Variants in DPF3 observed in about 807,000 individuals in gnomAD.
DPF3 encodes double PHD fingers 3, also known as zinc finger protein DPF3.
Under a neutral mutation model 56.8 loss-of-function variants are expected in DPF3, and 18 were observed. That is an observed-to-expected ratio of 0.32 (90% confidence interval 0.22 to 0.47). DPF3 has a LOEUF of 0.47. DPF3 is among the 20% of genes least tolerant of loss of function. DPF3 has a pLI of 1.00. For synonymous variants in DPF3, 188 were observed against 180.2 expected, an observed-to-expected ratio of 1.04 and a Z score of -0.35; for missense variants, 403 against 488.8, an observed-to-expected ratio of 0.82 and a Z score of 1.65.
At chr14:72,803,118 A>T (rs1892952936) in intron 1 of DPF3, among the ~76,000 whole-genome samples, 1 of 152,230 alleles carries the variant, frequency 6.6e-6, no homozygotes, top group Admixed American at 6.5e-5. Flanking sequence ...AGGCAGCACA[A>T]CTGAAGCAGG....
At chr14:72,803,680 A>G (rs1286734653) in intron 1 of DPF3, among the ~76,000 whole-genome samples, 1 of 152,182 alleles carries the variant, frequency 6.6e-6, no homozygotes, top group African/African-American at 2.4e-5. Context: ...CCTCATCTCT[A>G]TGGACTAGTC....
intron 3 of DPF3, among the ~76,000 whole-genome samples, chr14:72,736,400 T>TTG (rs573085156): frequency 2.6e-4 from 39 of 152,306 alleles, no homozygotes; most frequent in African/African-American, 8.4e-4. Context: ...AAAAATAACA[T>TTG]TAACTATGAC....
rs1041318455 is a variant in DPF3, at chr14:72,613,375, T to C, written c.*5922A>G. Among the ~76,000 whole-genome samples the C allele has an allele frequency of 6.6e-6, 1 of 152,188 alleles. No homozygotes were observed. Among genetic ancestry groups the C allele is most frequent in the African/African-American group, 2.4e-5 (1 of 41,434 alleles). Reference sequence around the variant, plus strand: ...GTCATGATAAGTAATTATATCTCTGTCCAAGAGGGTTCTGGCTGCCTGCCA... The same window carrying C: ...GTCATGATAAGTAATTATATCTCTGCCCAAGAGGGTTCTGGCTGCCTGCCA... On this transcript the variant is annotated 3_prime_UTR_variant, in exon 11 of 11. Transcript: ENST00000556509.
chr14:72,831,880 C>CT (rs1158721284), intron 1 of DPF3, among the ~76,000 whole-genome samples: 1 of 152,164 alleles, frequency 6.6e-6, no homozygotes, highest in Non-Finnish European at 1.5e-5. Context: ...GTTCATTGCT[C>CT]TATTTTCACA....
At chr14:72,884,780 C>T (rs1019695065) in intron 1 of DPF3, among the ~76,000 whole-genome samples, 7 of 150,812 alleles carry the variant, frequency 4.6e-5, no homozygotes, top group Non-Finnish European at 8.9e-5. Context: ...CTGACCCCCA[C>T]GAGGAGTCCC....
chr14:72,779,790 C>G (rs1278094588), intron 1 of DPF3, among the ~76,000 whole-genome samples: 1 of 152,254 alleles, frequency 6.6e-6, no homozygotes, highest in Non-Finnish European at 1.5e-5. Context: ...GACCCTCTGC[C>G]TGAGCAGGCT....
At chr14:72,891,951 C>T (rs1304446123) in intron 1 of DPF3, among the ~76,000 whole-genome samples, 1 of 152,220 alleles carries the variant, frequency 6.6e-6, no homozygotes, top group Non-Finnish European at 1.5e-5. Flanking sequence ...AATTCCGCCA[C>T]CTTCTTTCCC....
At chr14:72,703,047 T>G (rs1188575787) in intron 6 of DPF3, among the ~76,000 whole-genome samples, 1 of 152,154 alleles carries the variant, frequency 6.6e-6, no homozygotes, top group Non-Finnish European at 1.5e-5. Context: ...GATCAGATGA[T>G]CTCTAAGTCC....
At chr14:72,688,519 C>T (rs1433807366) in intron 7 of DPF3, among the ~76,000 whole-genome samples, 1 of 148,760 alleles carries the variant, frequency 6.7e-6, no homozygotes, top group Non-Finnish European at 1.5e-5. Context: ...AGTTTAACAT[C>T]ACAAGCCTAT....
intron 1 of DPF3, among the ~76,000 whole-genome samples, chr14:72,883,925 TC>T (rs1886414698): frequency 2.1e-5 from 1 of 47,674 alleles, no homozygotes; most frequent in Non-Finnish European, 5.8e-5. Context: ...AGACTCTGTC[TC>T]AAAAAAAAAA....
intron 1 of DPF3, among the ~76,000 whole-genome samples, chr14:72,782,173 G>A (rs962421143): frequency 3.3e-5 from 5 of 151,704 alleles, no homozygotes; most frequent in African/African-American, 4.9e-5. Context: ...TATTTAACAC[G>A]GCCACAAAGA....
chr14:72,802,133 G>A (rs1255184746), intron 1 of DPF3, among the ~76,000 whole-genome samples: 1 of 151,644 alleles, frequency 6.6e-6, no homozygotes, highest in East Asian at 1.9e-4. Context: ...GGGACAGCTG[G>A]GTGTGCAGGG....
At chr14:72,684,210 C>A (rs1001713349) in intron 7 of DPF3, among the ~76,000 whole-genome samples, 7 of 152,006 alleles carry the variant, frequency 4.6e-5, no homozygotes, top group Non-Finnish European at 1.0e-4. Context: ...CCACACCTGG[C>A]TAATTTTTGT....
intron 8 of DPF3, among the ~76,000 whole-genome samples, chr14:72,654,958 C>T (rs1388455195): frequency 6.6e-6 from 1 of 152,116 alleles, no homozygotes; most frequent in African/African-American, 2.4e-5. Context: ...GTAAAACAGT[C>T]TACTTTAACT....
chr14:72,854,154 C>T (rs773582665), intron 1 of DPF3, among the ~76,000 whole-genome samples: 4 of 152,102 alleles, frequency 2.6e-5, no homozygotes, highest in Non-Finnish European at 5.9e-5. Flanking sequence ...GTCAGGAGTT[C>T]GAGACCAGCC....
chr14:72,883,725 C>G (rs901793887), intron 1 of DPF3, among the ~76,000 whole-genome samples: 2 of 152,022 alleles, frequency 1.3e-5, no homozygotes, highest in Admixed American at 6.5e-5. Flanking sequence ...GTCAGGAGAT[C>G]GAGACCAGCC....
intron 1 of DPF3, among the ~76,000 whole-genome samples, chr14:72,806,551 C>T (rs1882791339): frequency 6.6e-6 from 1 of 152,216 alleles, no homozygotes; most frequent in Non-Finnish European, 1.5e-5. Context: ...TAACAAAATT[C>T]AACTCTGCAA....
Position 72,836,598 on chromosome 14 carries a change from C to A in DPF3, c.32+57459G>T, listed in dbSNP as rs115603369. On this transcript the variant is annotated intron_variant, in intron 1 of 10. Transcript: ENST00000556509. ...ATCAGTCTATCTGGATGAATTTTTC[C>A]CCCTTTTCTCTGAAGGAAACCTCCT... is the stretch of plus-strand genomic sequence containing the variant. The A allele has an allele frequency of 2.1e-3, 1,881 of 909,628 alleles. 31 individuals carry two copies. The African/African-American group carries it at 0.032, about 15-fold the overall frequency. 56.3% of individuals were successfully genotyped at this position (909,628 alleles called of 1,614,324 possible). A position where few individuals can be genotyped will look rare whatever the true frequency, so the allele number is the denominator to read the frequency against.
chr14:72,636,284 T>C (rs1441803875), intron 8 of DPF3, among the ~76,000 whole-genome samples: 6 of 152,228 alleles, frequency 3.9e-5, no homozygotes, highest in Non-Finnish European at 7.3e-5. Flanking sequence ...CAAATGTATA[T>C]ATGAAGTTTT....
Sources: allele counts gnomAD v4.1 joint callset (sites outside exome capture counted in the v4.1 genomes callset), GRCh38; gene constraint gnomAD v4.1.1; transcripts MANE v1.5; gene names NCBI Gene and HGNC (gene_info 2026-07-23, HGNC 2026-07-21).